TXNDC16: variants seen among roughly 807,000 people sequenced by gnomAD.
TXNDC16 encodes thioredoxin domain containing 16.
A neutral mutation model predicts 85.6 loss-of-function variants in TXNDC16; 74 were observed. The observed-to-expected ratio is 0.86, with a 90% confidence interval of 0.72 to 1.05. TXNDC16 has a LOEUF of 1.05. Ranked by LOEUF, TXNDC16 falls within the 50% of genes least tolerant of loss-of-function variation. The pLI, the probability that TXNDC16 is intolerant of heterozygous loss-of-function variation, is 0.00. For synonymous variants in TXNDC16, 335 were observed against 326.5 expected (o/e 1.03, Z -0.28); for missense variants, 959 against 947.0 (o/e 1.01, Z -0.17).
intron 16 of TXNDC16, among the ~76,000 whole-genome samples, chr14:52,468,712 T>A (rs544189559): frequency 2.0e-5 from 3 of 151,930 alleles, no homozygotes; most frequent in Non-Finnish European, 4.4e-5. Flanking sequence ...ACCTCATCTC[T>A]ATGAAAAATT....
At chr14:52,453,132 G>T (rs2035450811) in intron 18 of TXNDC16, among the ~76,000 whole-genome samples, 1 of 151,982 alleles carries the variant, frequency 6.6e-6, no homozygotes, top group African/African-American at 2.4e-5. Context: ...CTACAATTAG[G>T]TATTATTCCA....
chr14:52,447,643 C>T (rs1342246025), intron 18 of TXNDC16, among the ~76,000 whole-genome samples: 2 of 152,046 alleles, frequency 1.3e-5, no homozygotes, highest in African/African-American at 4.8e-5. Flanking sequence ...GACAAACATC[C>T]AACAGTATCA....
At chr14:52,455,221 G>A in intron 18 of TXNDC16, 103 bp downstream of exon 18, 1 of 1,347,196 alleles carries the variant, frequency 7.4e-7, no homozygotes. Flanking sequence ...AAATCACCCT[G>A]CCCTGTACCA....
At chr14:52,498,795 T>C (rs2036590272) in intron 9 of TXNDC16, among the ~76,000 whole-genome samples, 1 of 152,076 alleles carries the variant, frequency 6.6e-6, no homozygotes, top group Non-Finnish European at 1.5e-5. Context: ...ATCCCAATGG[T>C]ATTTTTTGCA....
chr14:52,504,534 A>T (rs1371089267), intron 9 of TXNDC16, among the ~76,000 whole-genome samples: 2 of 152,190 alleles, frequency 1.3e-5, no homozygotes, highest in Non-Finnish European at 1.5e-5. Context: ...AGATTTTGTC[A>T]CCACCAGGCC....
intron 9 of TXNDC16, among the ~76,000 whole-genome samples, chr14:52,504,649 G>A (rs916899889): frequency 6.6e-6 from 1 of 152,190 alleles, no homozygotes; most frequent in Non-Finnish European, 1.5e-5. Flanking sequence ...ATGCTAGGAA[G>A]AAATTGCATC....
In TXNDC16 at chr14:52,510,850, T is replaced by C. The variant is rs572138910; in HGVS notation, c.756+390A>G. 6.6e-5 allele frequency among the ~76,000 whole-genome samples: 10 copies of C among 152,278 alleles called. No homozygotes were observed. In the South Asian group the frequency reaches 1.2e-3, roughly 19 times the overall value. On this transcript the variant is annotated intron_variant, in intron 9 of 20. Coordinates refer to ENST00000281741, the MANE Select transcript of TXNDC16 (RefSeq NM_020784.3). ...TTCTAATATCTACCAACTTTTAAAATAGTGATCAAAGCATTCATAAAAGAG... is the reference window on the plus strand; with the variant it reads ...TTCTAATATCTACCAACTTTTAAAACAGTGATCAAAGCATTCATAAAAGAG...
chr14:52,487,332 T>G (rs1476451789), intron 12 of TXNDC16, among the ~76,000 whole-genome samples: 1 of 152,154 alleles, frequency 6.6e-6, no homozygotes, highest in East Asian at 1.9e-4. Context: ...CTTACTAAAT[T>G]TATAATATAG....
rs1308773308 is a variant in TXNDC16 at position 52,506,503 on chromosome 14, G to A, written c.756+4737C>T. ...TGATCATCTCAATAGATGCAGAAAA[G>A]GCCTTTGACAAATTTCAACAACCCT... On this transcript the variant is annotated intron_variant, in intron 9 of 20. Transcript: ENST00000281741. Among the ~76,000 whole-genome samples, 7 of 147,222 alleles carry A rather than the reference G, an allele frequency of 4.8e-5. No homozygotes were observed. In the Admixed American group the frequency reaches 4.8e-4, roughly 10 times the overall value.
At chr14:52,476,006 CTG>C (rs1043063653) in intron 14 of TXNDC16, among the ~76,000 whole-genome samples, 8 of 152,204 alleles carry the variant, frequency 5.3e-5, no homozygotes, top group African/African-American at 1.7e-4. Flanking sequence ...CCACAGGACT[CTG>C]TGTAGACAAC....
chr14:52,531,284 T>C (rs1296570948), intron 6 of TXNDC16, among the ~76,000 whole-genome samples: 1 of 152,036 alleles, frequency 6.6e-6, no homozygotes, highest in Admixed American at 6.6e-5. Context: ...CTAAACATAA[T>C]CTTACCATAC....
intron 9 of TXNDC16, among the ~76,000 whole-genome samples, chr14:52,492,086 C>T (rs892796306): frequency 3.3e-5 from 5 of 152,116 alleles, no homozygotes; most frequent in Admixed American, 1.3e-4. Flanking sequence ...CTAGATTCCC[C>T]TCCCCAACTC....
chr14:52,467,747 T>A (rs2035810761), intron 16 of TXNDC16, among the ~76,000 whole-genome samples: 1 of 152,192 alleles, frequency 6.6e-6, no homozygotes, highest in Non-Finnish European at 1.5e-5. Flanking sequence ...CACTTCTCAG[T>A]ATGTACTCAA....
In TXNDC16 at chr14:52,463,605, T is replaced by C. The variant is rs532401094; in HGVS notation, c.1619-6431A>G. On this transcript the variant is annotated intron_variant, in intron 16 of 20. Transcript: ENST00000281741. ...GTTACAGCTTGGCATTTGTCTTATT[T>C]GAACAGGATTTGAACAGTTGGCCAC... 8.5e-5 allele frequency among the ~76,000 whole-genome samples: 13 copies of C among 152,284 alleles called. No homozygotes were observed. The East Asian group carries it at 2.5e-3, about 29-fold the overall frequency.
At chr14:52,537,265 T>C (rs1416638631) in intron 5 of TXNDC16, among the ~76,000 whole-genome samples, 1 of 152,128 alleles carries the variant, frequency 6.6e-6, no homozygotes, top group Non-Finnish European at 1.5e-5. Flanking sequence ...CTCTCAAAAA[T>C]AAAGCACATT....
chr14:52,527,816 T>C (rs2037373049), intron 6 of TXNDC16, among the ~76,000 whole-genome samples: 1 of 152,138 alleles, frequency 6.6e-6, no homozygotes, highest in Non-Finnish European at 1.5e-5. Flanking sequence ...CAACTCAGAC[T>C]CTTTGGAGTT....
intron 6 of TXNDC16, among the ~76,000 whole-genome samples, chr14:52,530,820 C>A (rs1350171401): frequency 6.7e-6 from 1 of 149,386 alleles, no homozygotes; most frequent in Admixed American, 6.8e-5. Flanking sequence ...GATATAAAAT[C>A]TCCAGTAATA....
chr14:52,543,503 T>G lies in TXNDC16; in HGVS notation c.55A>C (p.Ile19Leu). 1 of 1,613,694 alleles carries G rather than the reference T, an allele frequency of 6.2e-7. No homozygotes were observed. The highest frequency in any genetic ancestry group is 1.7e-5 in the Admixed American group (1 of 59,996). ...GAGTTTACTGTTGGCATGTAAAAAA[T>G]GCACATTATGACAAAAGAGATCCCA... Reference protein sequence around the residue: ...RVGISFVIMCIFYMPTVNSLP... With the variant: ...RVGISFVIMCLFYMPTVNSLP... Residue 19 changes from isoleucine (I) to leucine (L), a missense_variant, in exon 3 of 21, where the codon ATT becomes CTT. Transcript: ENST00000281741.
intron 12 of TXNDC16, among the ~76,000 whole-genome samples, chr14:52,485,349 G>C (rs1163840661): frequency 6.6e-6 from 1 of 152,126 alleles, no homozygotes; most frequent in African/African-American, 2.4e-5. Context: ...TAAGTTTAAT[G>C]TTATCACAAA....
Sources: allele counts gnomAD v4.1 joint callset (sites outside exome capture counted in the v4.1 genomes callset), GRCh38; gene constraint gnomAD v4.1.1; transcripts MANE v1.5; gene names NCBI Gene and HGNC (gene_info 2026-07-23, HGNC 2026-07-21).